MYH13: variants seen among roughly 807,000 people sequenced by gnomAD.
MYH13 encodes myosin heavy chain 13.
In MYH13, 177 loss-of-function variants were observed where a neutral mutation model predicts 232.1. That is an observed-to-expected ratio of 0.76 (90% CI 0.67 to 0.86). The LOEUF is 0.86. MYH13 is among the 40% of genes least tolerant of loss of function. The pLI is 0.00. For synonymous variants in MYH13, 884 were observed against 923.5 expected (o/e 0.96, Z 0.78); for missense variants, 2,246 against 2,405.9 (o/e 0.93, Z 1.39).
At chr17:10,319,255 G>A in intron 26 of MYH13, 76 bp from the exon 27 acceptor site, 1 of 1,490,980 alleles carries the variant, frequency 6.7e-7, no homozygotes, top group Non-Finnish European at 8.9e-7. Context: ...GGGTGTTGAG[G>A]AATTGCGGGT....
At chr17:10,323,824 A>AAGAAGAAGAAGAAGAAGAAGG (rs1567661532) in intron 23 of MYH13, among the ~76,000 whole-genome samples, 198 bp downstream of exon 23, 1 of 144,658 alleles carries the variant, frequency 6.9e-6, no homozygotes, top group African/African-American at 2.6e-5. Flanking sequence ...GAAGAAGAAG[A>AAGAAGAAGAAGAAGAAGAAGG]AGAAGAAGAG....
chr17:10,317,543 C>T (rs993480007), intron 27 of MYH13: 2 of 152,436 alleles, frequency 1.3e-5, no homozygotes, highest in Non-Finnish European at 2.9e-5. Flanking sequence ...CCCACAGCCT[C>T]GCTTCTAGGG....
At chr17:10,314,389 T>C (rs1906627766) in intron 29 of MYH13, among the ~76,000 whole-genome samples, 1 of 146,590 alleles carries the variant, frequency 6.8e-6, no homozygotes, top group African/African-American at 2.5e-5. Flanking sequence ...CACTCCAGCC[T>C]GGGCAACAAG....
chr17:10,311,045 A>T, intron 33 of MYH13, 58 bp downstream of exon 33: 4 of 1,603,646 alleles, frequency 2.5e-6, no homozygotes, highest in Non-Finnish European at 3.4e-6. Flanking sequence ...GGTGAAGGGC[A>T]GCCTCTTTCA....
intron 18 of MYH13, 72 bp downstream of exon 18, chr17:10,340,078 C>G: frequency 7.6e-7 from 1 of 1,323,900 alleles, no homozygotes; most frequent in Non-Finnish European, 1.1e-6. Context: ...AAACGCACAC[C>G]CACAGAATTT....
intron 21 of MYH13, among the ~76,000 whole-genome samples, chr17:10,328,628 C>T (rs929409703): frequency 3.3e-5 from 5 of 151,612 alleles, no homozygotes; most frequent in African/African-American, 1.2e-4. Flanking sequence ...TTCCCAGTCT[C>T]TTGCCCTGGT....
chr17:10,309,744 A>G lies in MYH13; in HGVS notation c.4743T>C (p.Ile1581=). The G allele has an allele frequency of 6.2e-7, 1 of 1,602,396 alleles. No individual in the cohort carries two copies. Among genetic ancestry groups the G allele is most frequent in the Non-Finnish European group, 8.5e-7 (1 of 1,174,398 alleles). Residue 1581 remains isoleucine (I), a synonymous_variant, in exon 34 of 41, where the codon ATT becomes ATC. Coordinates refer to ENST00000252172, the MANE Select transcript of MYH13 (RefSeq NM_003802.3). ...QVKSELDRKV[I]EKDEEIEQLK... is the part of the protein sequence containing the mutation. ...GCTGCTCGATTTCTTCATCCTTCTC[A>G]ATGACCTTGCGGTCTAGCTCGGATT...
Position 10,364,398 on chromosome 17 carries a change from C to G in MYH13, c.133G>C (p.Glu45Gln). Residue 45 changes from glutamate (E) to glutamine (Q), a missense_variant, in exon 3 of 41, where the codon GAA (glutamate) becomes CAA (glutamine). Transcript: ENST00000252172. ...TGGATCATGCCTTTCACATACATTT[C>G]CTTATTATCCGCTACAAAGCAGGCT... is the stretch of plus-strand genomic sequence containing the variant. The part of the protein sequence containing the change: ...KKACFVADNK[E>Q]MYVKGMIQTR... The G allele has an allele frequency of 6.2e-7, 1 of 1,613,876 alleles. No individual in the cohort carries two copies. The highest frequency in any genetic ancestry group is 8.5e-7 in the Non-Finnish European group (1 of 1,179,838).
In MYH13 at chr17:10,306,641, C is replaced by A; in HGVS notation, c.5296-12G>T. 2 of 1,613,786 alleles carry A rather than the reference C, an allele frequency of 1.2e-6. No homozygotes were observed. The highest frequency in any genetic ancestry group is 1.7e-6 in the Non-Finnish European group (2 of 1,179,968). On this transcript the variant is annotated splice_polypyrimidine_tract_variant and intron_variant, in intron 36 of 40. Transcript: ENST00000252172. This position sits in a 1 kb window ranked among gnomAD's most constrained non-coding sequence, Gnocchi z 4.3. ...GCCATCATGGCAGCCTGGTTAAGTT[C>A]ACAGGACACATCAGAGGCCCTGTCC...
rs943653575 is a variant in MYH13 at position 10,304,232 on chromosome 17, G to A, written c.5467-734C>T. ...TTATACCTATGTAATAAACCTGCAC[G>A]TTCTGCACATGTACCCCAGAACTTA... On this transcript the variant is annotated intron_variant, in intron 37 of 40. Coordinates refer to ENST00000252172, the MANE Select transcript of MYH13 (RefSeq NM_003802.3). The surrounding 1 kb of genome is among the most constrained non-coding windows in gnomAD (Gnocchi z 5.3). Among the ~76,000 whole-genome samples, 4 of 152,168 alleles carry A rather than the reference G, an allele frequency of 2.6e-5. No individual in the cohort carries two copies. The highest frequency in any genetic ancestry group is 4.4e-5 in the Non-Finnish European group (3 of 68,038).
At chr17:10,348,622 G>A (rs985195961) in intron 12 of MYH13, among the ~76,000 whole-genome samples, 1 of 152,150 alleles carries the variant, frequency 6.6e-6, no homozygotes, top group Admixed American at 6.5e-5. Flanking sequence ...AAGAGGGCCT[G>A]GGACCCTACT....
At chr17:10,327,346 A>G (rs546984607) in intron 22 of MYH13, among the ~76,000 whole-genome samples, 10 of 150,550 alleles carry the variant, frequency 6.6e-5, no homozygotes, top group African/African-American at 2.4e-4. Flanking sequence ...GGGTTTTGCC[A>G]TGATACCCAG....
chr17:10,357,707 G>C, intron 8 of MYH13, 28 bp downstream of exon 8: 1 of 1,599,876 alleles, frequency 6.3e-7, no homozygotes, highest in Non-Finnish European at 8.6e-7. Context: ...CTTTTGGGAG[G>C]ATACTTGAAA....
Position 10,306,605 on chromosome 17 carries a change from T to C in MYH13, c.5320A>G (p.Lys1774Glu). ...TDAAMMAEEL[K>E]KEQDTSAHLE... ...TGGGCGCTGGTGTCCTGTTCCTTCT[T>C]TAGCTCCTCAGCCATCATGGCAGCC... is the stretch of plus-strand genomic sequence containing the variant. Residue 1774 changes from lysine to glutamate, a missense_variant, in exon 37 of 41, where the codon AAG becomes GAG. Coordinates refer to ENST00000252172, the MANE Select transcript of MYH13 (RefSeq NM_003802.3). This position sits in a 1 kb window ranked among gnomAD's most constrained non-coding sequence, Gnocchi z 4.3. 6.2e-7 allele frequency: 1 copy of C among 1,614,148 alleles called. No homozygotes were observed. The highest frequency in any genetic ancestry group is 8.5e-7 in the Non-Finnish European group (1 of 1,180,044).
At chr17:10,358,361 T>C (rs1323450196) in intron 7 of MYH13, among the ~76,000 whole-genome samples, 1 of 152,170 alleles carries the variant, frequency 6.6e-6, no homozygotes, top group African/African-American at 2.4e-5. Context: ...TTCACCTCCA[T>C]GACTGCTTTA....
intron 2 of MYH13, 78 bp from the exon 3 acceptor site, chr17:10,364,620 T>TA: frequency 7.9e-7 from 1 of 1,270,216 alleles, no homozygotes; most frequent in Non-Finnish European, 1.1e-6. Context: ...CTTATTCTAT[T>TA]AAAACGGGGC....
intron 31 of MYH13, 25 bp from the exon 32 acceptor site, chr17:10,312,101 G>T: frequency 6.2e-7 from 1 of 1,612,500 alleles, no homozygotes; most frequent in Non-Finnish European, 8.5e-7. Context: ...AGGGACATGG[G>T]AGAAGCAGAA....
rs1379518880 is a variant in MYH13, at chr17:10,359,960, C to T, written c.645G>A (p.Gln215=). The T allele has an allele frequency of 2.5e-6, 4 of 1,612,546 alleles. No individual in the cohort carries two copies. The highest frequency in any genetic ancestry group is 1.7e-5 in the Admixed American group (1 of 60,016). Residue 215 remains glutamine (Q), a splice_region_variant and synonymous_variant, in exon 7 of 41, where the codon CAG becomes CAA. Coordinates refer to ENST00000252172, the MANE Select transcript of MYH13 (RefSeq NM_003802.3). Reference sequence around the variant, plus strand: ...TCCGGATGCAGGTGGGGCTGCTCACCTGCATTTTGCCTGGCTGTGTCTCCT... The same window carrying T: ...TCCGGATGCAGGTGGGGCTGCTCACTTGCATTTTGCCTGGCTGTGTCTCCT... ...KKKETQPGKM[Q]GTLEDQIIQA... is the part of the protein sequence containing the mutation.
intron 26 of MYH13, 97 bp from the exon 27 acceptor site, chr17:10,319,276 A>C: frequency 7.1e-7 from 1 of 1,408,394 alleles, no homozygotes; most frequent in Non-Finnish European, 9.4e-7. Flanking sequence ...AGGCAGCATG[A>C]GGTGGGTGGG....
Sources: gnomAD v4.1 joint callset for allele counts (sites outside exome capture counted in the v4.1 genomes callset) on GRCh38, gnomAD v4.1.1 for gene constraint, Gnocchi (gnomAD v3.1) non-coding constraint, MANE v1.5 for transcripts, NCBI Gene and HGNC (gene_info 2026-07-23, HGNC 2026-07-21) for gene names.